The following UTP20 variants were observed in gnomAD, a reference collection of about 807,000 sequenced individuals.
The protein encoded by UTP20 is small subunit processome component 20 homolog.
UTP20 carries 164 observed loss-of-function variants against 329.5 expected under a neutral mutation model. The observed-to-expected ratio is 0.50, with a 90% CI of 0.44 to 0.57. UTP20 has a LOEUF of 0.57. Among genes scored for constraint, UTP20 ranks in the 20% least tolerant of loss-of-function variants. The pLI, the probability that UTP20 is intolerant of heterozygous loss-of-function variation, is 0.00. For missense variants in UTP20, 3,055 were observed against 3,284.2 expected, an observed-to-expected ratio of 0.93 and a Z score of 1.71; for synonymous variants, 1,151 against 1,159.3, an observed-to-expected ratio of 0.99 and a Z score of 0.14.
chr12:101,305,625 A>G (rs915242400), intron 15 of UTP20, among the ~76,000 whole-genome samples: 5 of 148,626 alleles, frequency 3.4e-5, no homozygotes, highest in African/African-American at 1.2e-4. Context: ...ATATATATAT[A>G]TATAAGTGGC....
chr12:101,328,183 A>G (rs1040320929), intron 26 of UTP20, among the ~76,000 whole-genome samples: 1 of 152,202 alleles, frequency 6.6e-6, no homozygotes, highest in Non-Finnish European at 1.5e-5. Flanking sequence ...ATTCAGTATA[A>G]TATTGCCCTG....
At chr12:101,359,779 C>T (rs1173182729) in intron 43 of UTP20, among the ~76,000 whole-genome samples, 1 of 152,158 alleles carries the variant, frequency 6.6e-6, no homozygotes, top group African/African-American at 2.4e-5. Context: ...CTGCCATGTG[C>T]CTCCTGCAGC....
chr12:101,290,320 A>G, intron 7 of UTP20, 46 bp downstream of exon 7: 2 of 1,540,766 alleles, frequency 1.3e-6, no homozygotes, highest in South Asian at 1.3e-5. Flanking sequence ...GATGGATGAA[A>G]CAGAAAGTAG....
rs1290375209 is a variant in UTP20, at chr12:101,342,880, T to G, written c.4296+43T>G. On this transcript the variant is annotated intron_variant, in intron 34 of 61. Coordinates refer to ENST00000261637, the MANE Select transcript of UTP20 (RefSeq NM_014503.3). The stretch of plus-strand genomic sequence containing the variant: ...CTCTTTGGCTTCAAAAGTATTATCA[T>G]TTTTGTTTACTGAAGATTTATATGC... 1.9e-6 allele frequency: 3 copies of G among 1,609,598 alleles called. No homozygotes were observed. The African/African-American group carries it at 4.0e-5, about 22-fold the overall frequency.
At chr12:101,301,409 G>A (rs1045208612) in intron 14 of UTP20, among the ~76,000 whole-genome samples, 3 of 152,008 alleles carry the variant, frequency 2.0e-5, no homozygotes, top group African/African-American at 7.2e-5. Context: ...GGCTCATGCC[G>A]GTAATCCCAG....
At chr12:101,293,974 T>A (rs960591466) in intron 11 of UTP20, among the ~76,000 whole-genome samples, 6 of 152,190 alleles carry the variant, frequency 3.9e-5, no homozygotes, top group Admixed American at 3.3e-4. Context: ...GTCATTTGTT[T>A]TCTGCTCCCA....
rs1870372052 is a variant in UTP20, at chr12:101,373,619, TC to T, written c.6986del (p.Pro2329LeufsTer4). ...CATGAGAACTGCGGAATGTTCTTTA[TC>T]CCTCTTTGTCTAATGACGATCAATG... ...LLHENCGMFF[I>X]PLCLMTINDD... On this transcript the variant is annotated frameshift_variant, in exon 54 of 62. Transcript: ENST00000261637. LOFTEE classifies it high-confidence loss of function. 1 of 1,612,208 alleles carries T rather than the reference TC, an allele frequency of 6.2e-7. No homozygotes were observed. Among genetic ancestry groups the T allele is most frequent in the Non-Finnish European group, 8.5e-7 (1 of 1,179,596 alleles).
intron 20 of UTP20, 94 bp from the exon 21 acceptor site, chr12:101,311,942 T>C: frequency 1.3e-6 from 2 of 1,575,456 alleles, no homozygotes; most frequent in South Asian, 2.4e-5. Context: ...ATTCTTTCCT[T>C]ACATTATAGA....
chr12:101,385,722 C>T lies in UTP20; in HGVS notation c.8196C>T (p.Ala2732=), dbSNP rs1418653726. The part of the protein sequence containing the change: ...EKRALRKKRK[A]LEFVTNPDIA... ...GGGCACTCCGGAAAAAGAGGAAGGC[C>T]CTGGAGGTAAGTTTGCTCTTTGAAA... is the stretch of plus-strand genomic sequence containing the variant. The change falls in exon 61 of 62, where the codon GCC becomes GCT. Residue 2732 remains alanine (A), a synonymous_variant. Transcript: ENST00000261637. 1 of 1,610,524 alleles carries T rather than the reference C, an allele frequency of 6.2e-7. No homozygotes were observed. Among genetic ancestry groups the T allele is most frequent in the South Asian group, 1.1e-5 (1 of 90,112 alleles).
chr12:101,379,646 G>T, intron 57 of UTP20, 88 bp downstream of exon 57: 1 of 1,391,950 alleles, frequency 7.2e-7, no homozygotes, highest in East Asian at 2.3e-5. Context: ...CAGCCCTTGG[G>T]AGAAACTCTT....
chr12:101,283,835 A>G (rs75029586), intron 2 of UTP20, among the ~76,000 whole-genome samples: 3,568 of 152,224 alleles, frequency 0.023, 97 homozygotes, highest in African/African-American at 0.065. Flanking sequence ...GGCATGAGCC[A>G]TTGTCCCCAG....
intron 26 of UTP20, among the ~76,000 whole-genome samples, chr12:101,328,735 G>C (rs558403202): frequency 1.3e-4 from 20 of 152,156 alleles, no homozygotes; most frequent in East Asian, 7.7e-4. Flanking sequence ...CAGGTGTGGT[G>C]GTGGGCACCT....
intron 36 of UTP20, among the ~76,000 whole-genome samples, chr12:101,345,212 C>T (rs1869283146): frequency 6.6e-6 from 1 of 152,080 alleles, no homozygotes; most frequent in Non-Finnish European, 1.5e-5. Flanking sequence ...TCCCAAATTG[C>T]TGGGATTACA....
rs761229316 is a variant in UTP20 at position 101,379,476 on chromosome 12, A to G, written c.7502A>G (p.Gln2501Arg). ...TCTTGCCAGCCAGAGGAGCTTATTC[A>G]AAAATGGAATACCAAAAAGACCAAA... ...FASCQPEELI[Q>R]KWNTKKTKKH... The change falls in exon 57 of 62, where the codon CAA (glutamine) becomes CGA (arginine). Residue 2501 changes from glutamine (Q) to arginine (R), a missense_variant. By Grantham distance (43) the Gln-to-Arg change is conservative. Transcript: ENST00000261637. The G allele has an allele frequency of 6.2e-6, 10 of 1,614,036 alleles. No individual in the cohort carries two copies. The Admixed American group carries it at 1.7e-4, about 27-fold the overall frequency.
chr12:101,360,649 A>AC (rs1250800836), intron 43 of UTP20, among the ~76,000 whole-genome samples: 1 of 152,052 alleles, frequency 6.6e-6, no homozygotes, highest in Non-Finnish European at 1.5e-5. Flanking sequence ...ACATGCTGAA[A>AC]CCCTGTCTCT....
Position 101,285,593 on chromosome 12 carries a change from G to C in UTP20, c.150G>C (p.Glu50Asp), listed in dbSNP as rs1248010989. 1 of 1,613,702 alleles carries C rather than the reference G, an allele frequency of 6.2e-7. No individual in the cohort carries two copies. The highest frequency in any genetic ancestry group is 8.5e-7 in the Non-Finnish European group (1 of 1,179,812). Residue 50 changes from glutamate (E) to aspartate (D), a missense_variant, in exon 3 of 62, where the codon GAG becomes GAC. Physicochemically the swap from Glu to Asp is conservative, Grantham distance 45. Coordinates refer to ENST00000261637, the MANE Select transcript of UTP20 (RefSeq NM_014503.3). ...YEEEVETYFF[E>D]GLLKWRELNL... ...AGGAGGTTGAAACCTACTTTTTTGAGGGTCTGCTGAAATGGAGAGAATTAA... is the reference window on the plus strand; with the variant it reads ...AGGAGGTTGAAACCTACTTTTTTGACGGTCTGCTGAAATGGAGAGAATTAA...
chr12:101,365,372 G>T (rs1404622733), intron 45 of UTP20, 87 bp from the exon 46 acceptor site: 2 of 921,702 alleles, frequency 2.2e-6, no homozygotes, highest in South Asian at 2.0e-5. Context: ...ATATTAGAAA[G>T]CTAATATATA....
At chr12:101,354,796 T>C (rs780182408) in intron 40 of UTP20, 36 bp from the exon 41 acceptor site, 1 of 1,583,548 alleles carries the variant, frequency 6.3e-7, no homozygotes, top group Non-Finnish European at 8.6e-7. Flanking sequence ...TTTCATTATT[T>C]GCTTTAAGGT....
chr12:101,385,534 T>C (rs1870795497), intron 60 of UTP20, 49 bp from the exon 61 acceptor site: 2 of 1,572,492 alleles, frequency 1.3e-6, no homozygotes, highest in African/African-American at 2.7e-5. Context: ...GATGTTCAAA[T>C]GTGTCCTTTC....
Sources: allele counts gnomAD v4.1 joint callset (sites outside exome capture counted in the v4.1 genomes callset), GRCh38; gene constraint gnomAD v4.1.1; transcripts MANE v1.5; gene names NCBI Gene and HGNC (gene_info 2026-07-23, HGNC 2026-07-21).